Variants in DLEC1 observed in about 807,000 individuals in gnomAD.
DLEC1 encodes deleted in lung and esophageal cancer protein 1.
In DLEC1, 146 loss-of-function variants were observed where a neutral mutation model predicts 198.1. The ratio of observed to expected loss-of-function variants is 0.74; its 90% CI spans 0.64 to 0.85. The LOEUF is 0.85. DLEC1 is among the 40% of genes least tolerant of loss of function. The pLI, the probability that DLEC1 is intolerant of heterozygous loss-of-function variation, is 0.00. For missense variants in DLEC1, 2,233 were observed against 2,220.0 expected (o/e 1.01, Z -0.12); for synonymous variants, 897 against 866.8 (o/e 1.03, Z -0.61).
intron 26 of DLEC1, 100 bp from the exon 27 acceptor site, chr3:38,114,882 TG>T: frequency 1.0e-6 from 1 of 994,102 alleles, no homozygotes; most frequent in Non-Finnish European, 1.5e-6. Context: ...CAGACCACTG[TG>T]GTATTTCCCC....
At chr3:38,108,145 A>C (rs1237073236) in intron 20 of DLEC1, among the ~76,000 whole-genome samples, 1 of 152,144 alleles carries the variant, frequency 6.6e-6, no homozygotes, top group African/African-American at 2.4e-5. Context: ...TCTGCTCCCC[A>C]TCCCTCGGGG....
At chr3:38,093,466 C>T (rs1698845253) in intron 11 of DLEC1, 139 bp from the exon 12 acceptor site, 1 of 1,004,096 alleles carries the variant, frequency 1.0e-6, no homozygotes, top group South Asian at 1.6e-5. Context: ...GGATATCCCC[C>T]TTTTCCCTCC....
chr3:38,090,917 C>T (rs889026089), intron 10 of DLEC1, among the ~76,000 whole-genome samples: 1 of 152,108 alleles, frequency 6.6e-6, no homozygotes, highest in Admixed American at 6.5e-5. Context: ...TACATCTATA[C>T]CCCTCCATTT....
chr3:38,104,406 G>A (rs748020969), intron 19 of DLEC1, among the ~76,000 whole-genome samples: 3 of 152,098 alleles, frequency 2.0e-5, no homozygotes, highest in South Asian at 4.1e-4. Flanking sequence ...GCAGTGAGCC[G>A]AGATTGTGCC....
rs1251352274 is a variant in DLEC1, at chr3:38,097,637, G to A, written c.2565G>A (p.Lys855=). ...PVVLHIEAVF[K]GPALIINVSA... Reference sequence around the variant, plus strand: ...TGTTACACATTGAGGCTGTCTTTAAGGTGCTGCAGGTGGAGCTGGGCAGTG... The same window carrying A: ...TGTTACACATTGAGGCTGTCTTTAAAGTGCTGCAGGTGGAGCTGGGCAGTG... Residue 855 remains lysine (K), a splice_region_variant and synonymous_variant, in exon 17 of 37, where the codon AAG becomes AAA. Coordinates refer to ENST00000308059, the MANE Select transcript of DLEC1 (RefSeq NM_007335.4). 1 of 1,614,184 alleles carries A rather than the reference G, an allele frequency of 6.2e-7. No individual in the cohort carries two copies. Among genetic ancestry groups the A allele is most frequent in the South Asian group, 1.1e-5 (1 of 91,084 alleles).
chr3:38,103,214 C>G (rs1164733187), intron 19 of DLEC1: 1 of 152,146 alleles, frequency 6.6e-6, no homozygotes, highest in East Asian at 1.9e-4. Context: ...TTTTTAGCAC[C>G]CACTTGAGTG....
chr3:38,088,920 C>T (rs1313739702), intron 10 of DLEC1, among the ~76,000 whole-genome samples: 4 of 152,188 alleles, frequency 2.6e-5, no homozygotes, highest in Admixed American at 6.5e-5. Context: ...TTGCTGCCCC[C>T]TTCAGCTGAT....
At chr3:38,046,103 AG>A (rs1288068479) in intron 2 of DLEC1, among the ~76,000 whole-genome samples, 1 of 152,236 alleles carries the variant, frequency 6.6e-6, no homozygotes, top group Non-Finnish European at 1.5e-5. Context: ...TTAAAGGAAA[AG>A]TGAGGAGGAT....
At chr3:38,107,909 A>G (rs1699653115) in intron 20 of DLEC1, among the ~76,000 whole-genome samples, 172 bp downstream of exon 20, 1 of 152,216 alleles carries the variant, frequency 6.6e-6, no homozygotes, top group Non-Finnish European at 1.5e-5. Context: ...GGAGCAGCAT[A>G]TCTGGTCCAG....
rs796805564 is a variant in DLEC1, at chr3:38,100,221, C to T, written c.2725-65C>T. 4 of 1,509,806 alleles carry T rather than the reference C, an allele frequency of 2.6e-6. No individual in the cohort carries two copies. In the African/African-American group the frequency reaches 4.2e-5, roughly 16 times the overall value. 93.5% of individuals were successfully genotyped at this position (1,509,806 alleles called of 1,614,324 possible). ...AGTGACTTTGGTTAGGCATGGCCAG[C>T]CCCCAGTTCCTCTGCAATTCCAAGT... On this transcript the variant is annotated intron_variant, in intron 18 of 36. Transcript: ENST00000308059.
chr3:38,085,621 AG>A (rs1698412328), intron 8 of DLEC1, among the ~76,000 whole-genome samples, 174 bp downstream of exon 8: 2 of 152,042 alleles, frequency 1.3e-5, no homozygotes, highest in African/African-American at 4.8e-5. Context: ...CACAGTGTCA[AG>A]CCATGATTGT....
chr3:38,062,704 T>A lies in DLEC1; in HGVS notation c.997T>A (p.Phe333Ile). The A allele has an allele frequency of 6.2e-7, 1 of 1,614,132 alleles. No individual in the cohort carries two copies. Among genetic ancestry groups the A allele is most frequent in the Non-Finnish European group, 8.5e-7 (1 of 1,180,036 alleles). Residue 333 changes from phenylalanine to isoleucine, a missense_variant, in exon 5 of 37, where the codon TTT becomes ATT. Phe to Ile is a conservative substitution (Grantham distance 21). Transcript: ENST00000308059. ...RNHFLKNPRF[F>I]PPNTRYGGKS... Reference sequence around the variant, plus strand: ...CCACTTCCTAAAAAATCCCCGTTTTTTTCCTCCTAACACTCGATATGGAGG... The same window carrying A: ...CCACTTCCTAAAAAATCCCCGTTTTATTCCTCCTAACACTCGATATGGAGG...
intron 14 of DLEC1, 111 bp downstream of exon 14, chr3:38,096,057 C>G (rs538608422): frequency 7.5e-7 from 1 of 1,341,904 alleles, no homozygotes. Context: ...CTGGTCCCCG[C>G]AGGCTTTGGG....
At position 38,108,151 on chromosome 3, in the gene DLEC1, CG is replaced by C. The variant is rs374731390; in HGVS notation, c.3019-250del. On this transcript the variant is annotated intron_variant, in intron 20 of 36. Transcript: ENST00000308059. ...CATCTGCCCTCTGCTCCCCATCCCT[CG>C]GGGCCTTCAAGGGCAGTTTCTTTTG... Among the ~76,000 whole-genome samples the C allele has an allele frequency of 3.7e-4, 56 of 152,332 alleles. No individual in the cohort carries two copies. In the East Asian group the frequency reaches 8.7e-3, roughly 24 times the overall value.
At chr3:38,055,705 G>GGA (rs1559399717) in intron 2 of DLEC1, among the ~76,000 whole-genome samples, 7 of 149,738 alleles carry the variant, frequency 4.7e-5, no homozygotes, top group Non-Finnish European at 1.5e-5. Flanking sequence ...CAGTGAAGAC[G>GGA]TGAGCAACGG....
chr3:38,121,610 T>A lies in DLEC1; in HGVS notation c.4867-18T>A. The A allele has an allele frequency of 1.2e-6, 2 of 1,609,802 alleles. No individual in the cohort carries two copies. Among genetic ancestry groups the A allele is most frequent in the South Asian group, 2.2e-5 (2 of 90,740 alleles). On this transcript the variant is annotated intron_variant, in intron 34 of 36. Coordinates refer to ENST00000308059, the MANE Select transcript of DLEC1 (RefSeq NM_007335.4). The stretch of plus-strand genomic sequence containing the variant: ...CAGAGCCCACCCAGAATGGACAAGG[T>A]TGCCTGGTCTCCCACAGGTGGTGCC...
At chr3:38,097,986 T>G (rs914120669) in intron 18 of DLEC1, 84 bp downstream of exon 18, 5 of 1,552,934 alleles carry the variant, frequency 3.2e-6, no homozygotes, top group Non-Finnish European at 4.4e-6. Flanking sequence ...CTGGTGTGTT[T>G]AGATCAGAGC....
At chr3:38,067,226 C>T (rs1476393349) in intron 6 of DLEC1, among the ~76,000 whole-genome samples, 1 of 152,166 alleles carries the variant, frequency 6.6e-6, no homozygotes, top group Non-Finnish European at 1.5e-5. Flanking sequence ...AGGATAAAAA[C>T]AGTTCAAATT....
chr3:38,066,238 A>G (rs1036425628), intron 6 of DLEC1, among the ~76,000 whole-genome samples: 1 of 152,240 alleles, frequency 6.6e-6, no homozygotes, highest in Non-Finnish European at 1.5e-5. Context: ...TGACTGCCAG[A>G]TGACTATTGT....
Sources: gnomAD v4.1 joint callset for allele counts (sites outside exome capture counted in the v4.1 genomes callset) on GRCh38, gnomAD v4.1.1 for gene constraint, MANE v1.5 for transcripts, NCBI Gene and HGNC (gene_info 2026-07-23, HGNC 2026-07-21) for gene names.